The following OAS2 variants were observed in gnomAD, a reference collection of about 807,000 sequenced individuals.
OAS2 encodes 2'-5'-oligoadenylate synthase 2.
A neutral mutation model predicts 71.3 loss-of-function variants in OAS2; 67 were observed. That is an observed-to-expected ratio of 0.94 (90% CI 0.77 to 1.15). The LOEUF (loss-of-function observed/expected upper bound fraction) is 1.15. Among genes scored for constraint, OAS2 ranks in the 50% most tolerant of loss-of-function variants. OAS2 has a pLI of 0.00. For synonymous variants in OAS2, 327 were observed against 321.8 expected (o/e 1.02, Z -0.17); for missense variants, 789 against 822.5 (o/e 0.96, Z 0.50).
At chr12:112,992,538 G>T (rs2044201627) in intron 2 of OAS2, among the ~76,000 whole-genome samples, 2 of 152,144 alleles carry the variant, frequency 1.3e-5, no homozygotes, top group Admixed American at 1.3e-4. Flanking sequence ...CCCATGGCCA[G>T]AGTACCTTCC....
intron 2 of OAS2, chr12:112,987,592 T>C: frequency 7.9e-7 from 1 of 1,263,408 alleles, no homozygotes; most frequent in East Asian, 3.0e-5. Context: ...CCTGGAACCT[T>C]GTTAAAATGC....
intron 9 of OAS2, among the ~76,000 whole-genome samples, chr12:113,008,412 G>A (rs2044352898): frequency 6.6e-6 from 1 of 152,192 alleles, no homozygotes; most frequent in Admixed American, 6.5e-5. Context: ...GAATAGAGGA[G>A]AAGTAAGAGA....
intron 9 of OAS2, among the ~76,000 whole-genome samples, 158 bp from the exon 10 acceptor site, chr12:113,008,929 C>A (rs553688749): frequency 6.6e-6 from 1 of 152,226 alleles, no homozygotes; most frequent in South Asian, 2.1e-4. Flanking sequence ...CACGCGGCCT[C>A]TAGAAAGTTA....
At chr12:112,999,906 GT>G (rs2044268651) in intron 5 of OAS2, among the ~76,000 whole-genome samples, 2 of 152,274 alleles carry the variant, frequency 1.3e-5, no homozygotes, top group South Asian at 4.1e-4. Flanking sequence ...TGTTACAGTT[GT>G]TTTTAATCTT....
Position 113,010,039 on chromosome 12 carries a change from A to C in OAS2, c.*784A>C, listed in dbSNP as rs2044366493. The C allele has an allele frequency of 8.2e-6, 8 of 977,458 alleles. No individual in the cohort carries two copies. The highest frequency in any genetic ancestry group is 9.8e-6 in the Non-Finnish European group (8 of 818,202). The allele number at this position is 977,458 out of a possible 1,614,324, so 60.5% of individuals were successfully genotyped here. A position where few individuals can be genotyped will look rare whatever the true frequency, so the allele number is the denominator to read the frequency against. ...TCTTGTGCATTGTAGGATGTTGAGC[A>C]GCATCTCTGGCCTGTACCCAGTAGA... On this transcript the variant is annotated 3_prime_UTR_variant, in exon 10 of 10. Coordinates refer to ENST00000392583, the MANE Select transcript of OAS2 (RefSeq NM_002535.3).
chr12:112,978,908 T>A lies in OAS2; in HGVS notation c.177+123T>A. ...GCCCACACTTGGGTGGGATGTGGTGTAGGAGTCTCAGGCTCTGGAGCAGGC... is the reference window on the plus strand; with the variant it reads ...GCCCACACTTGGGTGGGATGTGGTGAAGGAGTCTCAGGCTCTGGAGCAGGC... On this transcript the variant is annotated intron_variant, in intron 1 of 9. Transcript: ENST00000392583. This position sits in a 1 kb window ranked among gnomAD's most constrained non-coding sequence, Gnocchi z 4.2. 1 of 927,130 alleles carries A rather than the reference T, an allele frequency of 1.1e-6. No homozygotes were observed. The highest frequency in any genetic ancestry group is 1.6e-6 in the Non-Finnish European group (1 of 625,486). The allele number at this position is 927,130 out of a possible 1,614,324, so 57.4% of individuals were successfully genotyped here. A position where few individuals can be genotyped will look rare whatever the true frequency, so the allele number is the denominator to read the frequency against.
chr12:112,995,560 G>C (rs981566604), intron 3 of OAS2, 86 bp downstream of exon 3: 3 of 1,261,396 alleles, frequency 2.4e-6, no homozygotes, highest in Non-Finnish European at 3.3e-6. Flanking sequence ...AACAATCTTA[G>C]GTATACAGCT....
rs572196630 is a variant in OAS2, at chr12:112,998,191, G to A, written c.864-75G>A. Reference sequence around the variant, plus strand: ...TCAAGTTGCCGGATTCCCACTCCAGGCCTCTTTCCCCAAAACAGATTTTGC... The same window carrying A: ...TCAAGTTGCCGGATTCCCACTCCAGACCTCTTTCCCCAAAACAGATTTTGC... On this transcript the variant is annotated intron_variant, in intron 4 of 9. Transcript: ENST00000392583. The A allele has an allele frequency of 1.1e-5, 17 of 1,529,484 alleles. No individual in the cohort carries two copies. The East Asian group carries it at 4.0e-4, about 36-fold the overall frequency. 94.7% of individuals were successfully genotyped at this position (1,529,484 alleles called of 1,614,324 possible).
At chr12:112,987,717 T>C (rs990270323) in intron 2 of OAS2, 40 of 1,038,514 alleles carry the variant, frequency 3.9e-5, no homozygotes, top group Non-Finnish European at 4.5e-5. Flanking sequence ...GAGTCAGTGT[T>C]GGTTAGAGTA....
chr12:113,002,818 G>T, intron 5 of OAS2, 114 bp from the exon 6 acceptor site: 2 of 845,046 alleles, frequency 2.4e-6, no homozygotes, highest in South Asian at 1.6e-5. Context: ...GCCAGCCCAC[G>T]AGCAGGAGGG....
chr12:113,010,637 C>A lies in OAS2; in HGVS notation c.*1382C>A. On this transcript the variant is annotated 3_prime_UTR_variant, in exon 10 of 10. Coordinates refer to ENST00000392583, the MANE Select transcript of OAS2 (RefSeq NM_002535.3). ...CTGCAAACCCTTTCATAAAGTCTTG[C>A]CTTGCTGAACTCCCTCTCTGCAGGC... The A allele has an allele frequency of 1.7e-6, 2 of 1,145,672 alleles. No homozygotes were observed. The highest frequency in any genetic ancestry group is 2.3e-6 in the Non-Finnish European group (2 of 872,568). The allele number at this position is 1,145,672 out of a possible 1,614,324, so 71.0% of individuals were successfully genotyped here.
intron 2 of OAS2, among the ~76,000 whole-genome samples, chr12:112,992,457 G>T (rs954233109): frequency 6.6e-5 from 10 of 151,254 alleles, no homozygotes; most frequent in Admixed American, 2.6e-4. Flanking sequence ...GAGGGGAAGG[G>T]AAAATTCCCA....
rs1211792556 is a variant in OAS2 at position 113,010,395 on chromosome 12, T to G, written c.*1140T>G. 1 of 1,613,880 alleles carries G rather than the reference T, an allele frequency of 6.2e-7. No homozygotes were observed. Among genetic ancestry groups the G allele is most frequent in the East Asian group, 2.2e-5 (1 of 44,880 alleles). Reference sequence around the variant, plus strand: ...TTAGACAATGCAGACACCAGGAAGTTGTGGAGCTAGGATCCATCCTATTGT... The same window carrying G: ...TTAGACAATGCAGACACCAGGAAGTGGTGGAGCTAGGATCCATCCTATTGT... On this transcript the variant is annotated 3_prime_UTR_variant, in exon 10 of 10. Coordinates refer to ENST00000392583, the MANE Select transcript of OAS2 (RefSeq NM_002535.3).
intron 8 of OAS2, 58 bp from the exon 9 acceptor site, chr12:113,007,647 C>T (rs906754411): frequency 3.4e-5 from 48 of 1,399,544 alleles, no homozygotes; most frequent in Admixed American, 2.9e-4. Flanking sequence ...GGTCCCTGTG[C>T]GGCTCTCACT....
At position 113,001,449 on chromosome 12, in the gene OAS2, C is replaced by CAT. The variant is rs764535376; in HGVS notation, c.1009-1477_1009-1476dup. On this transcript the variant is annotated intron_variant, in intron 5 of 9. Transcript: ENST00000392583. ...ATGCACATATATATACACATATATACATATATACACATATATACATATATA... is the reference window on the plus strand; with the variant it reads ...ATGCACATATATATACACATATATACATATATATACACATATATACATATATA... Among the ~76,000 whole-genome samples the CAT allele has an allele frequency of 4.1e-3, 304 of 74,286 alleles. 4 individuals carry two copies. The highest frequency in any genetic ancestry group is 0.012 in the South Asian group (32 of 2,618). The allele number at this position is 74,286 out of a possible 152,430, so 48.7% of individuals were successfully genotyped here.
chr12:113,001,199 T>A (rs761898124), intron 5 of OAS2, among the ~76,000 whole-genome samples: 29 of 151,266 alleles, frequency 1.9e-4, no homozygotes, highest in Non-Finnish European at 3.2e-4. Context: ...ATAAATAAAT[T>A]AGCTGTAGTC....
At chr12:112,997,214 G>A (rs2044241174) in intron 3 of OAS2, among the ~76,000 whole-genome samples, 1 of 151,716 alleles carries the variant, frequency 6.6e-6, no homozygotes, top group Non-Finnish European at 1.5e-5. Flanking sequence ...TTATCGAGTT[G>A]CTCATTGACT....
chr12:113,000,557 C>A (rs1226031135), intron 5 of OAS2, among the ~76,000 whole-genome samples: 3 of 150,998 alleles, frequency 2.0e-5, no homozygotes, highest in Non-Finnish European at 3.0e-5. Context: ...CATGTACTCA[C>A]ACCATGCACA....
chr12:112,991,247 T>C (rs908730054), intron 2 of OAS2, among the ~76,000 whole-genome samples: 1 of 152,270 alleles, frequency 6.6e-6, no homozygotes, highest in Non-Finnish European at 1.5e-5. Context: ...TCTGGCTCTC[T>C]ATGTCTGGGT....
Sources: allele counts gnomAD v4.1 joint callset (sites outside exome capture counted in the v4.1 genomes callset), GRCh38; gene constraint gnomAD v4.1.1; non-coding constraint Gnocchi (gnomAD v3.1); transcripts MANE v1.5; gene names NCBI Gene and HGNC (gene_info 2026-07-23, HGNC 2026-07-21).